ABLIM2: variants seen among roughly 807,000 people sequenced by gnomAD.
The protein encoded by ABLIM2 is actin-binding LIM protein 2.
Under a neutral mutation model 97.7 loss-of-function variants are expected in ABLIM2, and 53 were observed. The observed-to-expected ratio is 0.54, with a 90% CI of 0.44 to 0.68. ABLIM2 has a LOEUF of 0.68. Among genes scored for constraint, ABLIM2 ranks in the 30% least tolerant of loss-of-function variants. ABLIM2 has a pLI of 0.00. For missense variants in ABLIM2, 835 were observed against 867.2 expected (o/e 0.96, Z 0.47); for synonymous variants, 361 against 345.8 (o/e 1.04, Z -0.49).
At chr4:8,131,768 GC>G (rs1849444272) in intron 1 of ABLIM2, among the ~76,000 whole-genome samples, 1 of 90,586 alleles carries the variant, frequency 1.1e-5, no homozygotes. Context: ...CCTGAGCACA[GC>G]AGCCCGCATC....
intron 6 of ABLIM2, among the ~76,000 whole-genome samples, chr4:8,063,649 C>A (rs1314743815): frequency 2.6e-5 from 4 of 152,240 alleles, no homozygotes; most frequent in Admixed American, 6.5e-5. Context: ...AGGCACTCAA[C>A]CCCCAGCCTG....
At position 8,008,868 on chromosome 4, in the gene ABLIM2, G is replaced by C. The variant is rs553563675; in HGVS notation, c.1476+182C>G. The stretch of plus-strand genomic sequence containing the variant: ...GCATATACCCAGGACCTCGGTAGGA[G>C]ACGTGTGCATCCTAAATGTAGGAAG... On this transcript the variant is annotated intron_variant, in intron 15 of 20. Coordinates refer to ENST00000447017, the MANE Select transcript of ABLIM2 (RefSeq NM_001130083.2). Among the ~76,000 whole-genome samples, 4 of 152,338 alleles carry C rather than the reference G, an allele frequency of 2.6e-5. No homozygotes were observed. In the South Asian group the frequency reaches 8.3e-4, roughly 32 times the overall value.
chr4:8,032,111 G>GACAC lies in ABLIM2; in HGVS notation c.1048-2339_1048-2336dup. 6.6e-6 allele frequency among the ~76,000 whole-genome samples: 1 copy of GACAC among 151,642 alleles called. No individual in the cohort carries two copies. Among genetic ancestry groups the GACAC allele is most frequent in the Non-Finnish European group, 1.5e-5 (1 of 67,994 alleles). On this transcript the variant is annotated intron_variant, in intron 10 of 20. Coordinates refer to ENST00000447017, the MANE Select transcript of ABLIM2 (RefSeq NM_001130083.2). The surrounding 1 kb of genome is among the most constrained non-coding windows in gnomAD (Gnocchi z 4.3). The stretch of plus-strand genomic sequence containing the variant: ...CAGGCTGTCTATTCCTGGCTACCAT[G>GACAC]ACACCTTTCTGCTGTGGCCACCCGT...
chr4:8,145,754 A>T (rs926848577), intron 1 of ABLIM2, among the ~76,000 whole-genome samples: 2 of 123,836 alleles, frequency 1.6e-5, no homozygotes, highest in Non-Finnish European at 3.5e-5. Context: ...ATACACACAC[A>T]CACACACACA....
intron 17 of ABLIM2, among the ~76,000 whole-genome samples, chr4:7,985,738 G>A (rs1743374873): frequency 6.6e-6 from 1 of 152,158 alleles, no homozygotes; most frequent in African/African-American, 2.4e-5. Flanking sequence ...AGGGGGATGG[G>A]CCCGAGAGCT....
chr4:8,141,083 C>A (rs1850909840), intron 1 of ABLIM2, among the ~76,000 whole-genome samples: 1 of 152,248 alleles, frequency 6.6e-6, no homozygotes, highest in African/African-American at 2.4e-5. Context: ...CGCCATCCTG[C>A]AAGTCATCTC....
intron 3 of ABLIM2, among the ~76,000 whole-genome samples, chr4:8,091,348 TATA>T (rs377740433): frequency 0.41 from 19,754 of 48,356 alleles, 5,110 homozygotes; most frequent in Non-Finnish European, 0.48. Flanking sequence ...ATAATATATA[TATA>T]ATTATATATA....
chr4:8,103,358 A>G (rs1304170655), intron 2 of ABLIM2, among the ~76,000 whole-genome samples: 2 of 152,246 alleles, frequency 1.3e-5, no homozygotes, highest in Non-Finnish European at 2.9e-5. Flanking sequence ...GCTCATTTGA[A>G]AGCTTGCAGG....
At chr4:7,972,174 C>T (rs1728654431) in intron 20 of ABLIM2, among the ~76,000 whole-genome samples, 1 of 152,200 alleles carries the variant, frequency 6.6e-6, no homozygotes, top group Non-Finnish European at 1.5e-5. Context: ...TCTTCCACAG[C>T]CTATGGGGCA....
At chr4:8,157,181 G>T (rs1438163349) in intron 1 of ABLIM2, among the ~76,000 whole-genome samples, 1 of 151,216 alleles carries the variant, frequency 6.6e-6, no homozygotes, top group East Asian at 1.9e-4. Context: ...GCCCCCAACT[G>T]CCCCAGTGCC....
intron 1 of ABLIM2, among the ~76,000 whole-genome samples, chr4:8,108,912 G>A (rs938589271): frequency 1.8e-4 from 27 of 152,258 alleles, no homozygotes; most frequent in Non-Finnish European, 3.4e-4. Flanking sequence ...TTGAGACCAG[G>A]CTGTGGGTGC....
intron 1 of ABLIM2, among the ~76,000 whole-genome samples, chr4:8,115,346 ACTC>A (rs1039764503): frequency 3.3e-5 from 5 of 151,446 alleles, no homozygotes; most frequent in Non-Finnish European, 7.4e-5. Context: ...CCCATGAGCC[ACTC>A]CTCCTTTCGC....
At chr4:7,979,965 T>C (rs139735600) in intron 20 of ABLIM2, among the ~76,000 whole-genome samples, 2 of 152,272 alleles carry the variant, frequency 1.3e-5, no homozygotes, top group African/African-American at 2.4e-5. Context: ...TAAAAGTCTA[T>C]CAATGGAGCC....
At chr4:8,115,306 C>T (rs1034526280) in intron 1 of ABLIM2, among the ~76,000 whole-genome samples, 10 of 152,258 alleles carry the variant, frequency 6.6e-5, no homozygotes, top group Admixed American at 3.9e-4. Flanking sequence ...TTCTGTCCAG[C>T]GAACCAGCTC....
chr4:8,133,991 G>T (rs977431579), intron 1 of ABLIM2, among the ~76,000 whole-genome samples: 3 of 152,158 alleles, frequency 2.0e-5, no homozygotes, highest in South Asian at 2.1e-4. Context: ...GTTGCAGGGG[G>T]GGGTGACGAA....
At chr4:8,093,188 T>C (rs13106746) in intron 3 of ABLIM2, among the ~76,000 whole-genome samples, 15,181 of 152,264 alleles carry the variant, frequency 0.1, 1,504 homozygotes, top group African/African-American at 0.26. Flanking sequence ...GTCTTATTAT[T>C]ATTGAGTTGT....
Position 8,088,182 on chromosome 4 carries a change from G to C in ABLIM2, c.441C>G (p.Ser147=), listed in dbSNP as rs774905865. The stretch of plus-strand genomic sequence containing the variant: ...GCGCCCACTTACTTCGGAGGCCCTG[G>C]GACAGGTGCGCGCTGCTGCCCACCG... ...PVSVGSSAHL[S]QGLRSCGGCG... is the part of the protein sequence containing the mutation. The change falls in exon 4 of 21, where the codon TCC becomes TCG. Residue 147 remains serine (S), a synonymous_variant. Coordinates refer to ENST00000447017, the MANE Select transcript of ABLIM2 (RefSeq NM_001130083.2). 2 of 1,608,308 alleles carry C rather than the reference G, an allele frequency of 1.2e-6. No homozygotes were observed. Among genetic ancestry groups the C allele is most frequent in the Non-Finnish European group, 1.7e-6 (2 of 1,178,752 alleles).
chr4:8,060,167 G>T (rs1422374750), intron 7 of ABLIM2, among the ~76,000 whole-genome samples: 1 of 152,148 alleles, frequency 6.6e-6, no homozygotes, highest in African/African-American at 2.4e-5. Flanking sequence ...CCTGCCACTG[G>T]ATACCTGCAT....
chr4:8,027,900 C>A (rs376530690), intron 11 of ABLIM2, 43 bp from the exon 12 acceptor site: 57 of 1,414,762 alleles, frequency 4.0e-5, no homozygotes, highest in Non-Finnish European at 5.3e-5. Context: ...CCTGGGCTGG[C>A]TGGTGCAACG....
Sources: allele counts gnomAD v4.1 joint callset (sites outside exome capture counted in the v4.1 genomes callset), GRCh38; gene constraint gnomAD v4.1.1; non-coding constraint Gnocchi (gnomAD v3.1); transcripts MANE v1.5; gene names NCBI Gene and HGNC (gene_info 2026-07-23, HGNC 2026-07-21).